The following RASA2 variants were observed in gnomAD, a reference collection of about 807,000 sequenced individuals.
RASA2 encodes the protein ras GTPase-activating protein 2.
Under a neutral mutation model 118.2 loss-of-function variants are expected in RASA2, and 155 were observed. That is an observed-to-expected ratio of 1.31 (90% CI 1.15 to 1.50). RASA2 has a LOEUF of 1.50. Ranked by LOEUF, RASA2 falls within the 40% of genes most tolerant of loss-of-function variation. The pLI, the probability that RASA2 is intolerant of heterozygous loss-of-function variation, is 0.00. For synonymous variants in RASA2, 353 were observed against 349.1 expected (o/e 1.01, Z -0.12); for missense variants, 1,016 against 1,009.6 (o/e 1.01, Z -0.09).
chr3:141,586,734 AC>A lies in RASA2; in HGVS notation c.1917del (p.Tyr640ThrfsTer15). 6.2e-7 allele frequency: 1 copy of A among 1,612,476 alleles called. No homozygotes were observed. The highest frequency in any genetic ancestry group is 8.5e-7 in the Non-Finnish European group (1 of 1,178,662). ...GTTCTGCTTAACAAGCAGAGAGCTC[AC>A]CTACCACAAACAGCCAGGTAGTTGT... ...RWFCLTSREL[T>X]YHKQPGKDAI... On this transcript the variant is annotated frameshift_variant, in exon 19 of 24. Transcript: ENST00000286364. LOFTEE classifies it high-confidence loss of function.
intron 23 of RASA2, among the ~76,000 whole-genome samples, chr3:141,610,918 C>CA (rs1278789255): frequency 2.6e-5 from 4 of 151,988 alleles, no homozygotes; most frequent in Admixed American, 1.3e-4. Flanking sequence ...AACTCACCCC[C>CA]AAAAAAATTA....
intron 15 of RASA2, 42 bp downstream of exon 15, chr3:141,577,148 ATTTT>A: frequency 7.0e-7 from 1 of 1,435,894 alleles, no homozygotes; most frequent in Non-Finnish European, 9.6e-7. Flanking sequence ...CATTTTTTTA[ATTTT>A]TATTAAAATG....
chr3:141,606,983 A>G, intron 19 of RASA2, among the ~76,000 whole-genome samples: 1 of 152,186 alleles, frequency 6.6e-6, no homozygotes, highest in East Asian at 1.9e-4. Flanking sequence ...TTCTCAGGTA[A>G]ATCGTTAAGT....
At chr3:141,498,753 C>G (rs112447796) in intron 1 of RASA2, among the ~76,000 whole-genome samples, 17 of 152,240 alleles carry the variant, frequency 1.1e-4, no homozygotes, top group African/African-American at 3.9e-4. Context: ...GTCCATGTAG[C>G]CCTGAGTTCT....
chr3:141,530,676 A>C (rs531137431), intron 4 of RASA2, among the ~76,000 whole-genome samples: 101 of 152,210 alleles, frequency 6.6e-4, no homozygotes, highest in African/African-American at 2.3e-3. Context: ...ATAATCTCTC[A>C]AGCATTCTCT....
chr3:141,611,278 TG>T (rs1453573633), intron 23 of RASA2, among the ~76,000 whole-genome samples: 1 of 152,166 alleles, frequency 6.6e-6, no homozygotes, highest in Non-Finnish European at 1.5e-5. Flanking sequence ...TGTTCCCCCA[TG>T]GTCACAGATG....
At chr3:141,590,658 T>C (rs1253882398) in intron 19 of RASA2, among the ~76,000 whole-genome samples, 1 of 152,248 alleles carries the variant, frequency 6.6e-6, no homozygotes, top group Admixed American at 6.5e-5. Context: ...AGTCTTTTGC[T>C]ACACTTACTA....
At chr3:141,586,199 C>G (rs955638600) in intron 18 of RASA2, 101 bp downstream of exon 18, 39 of 1,169,814 alleles carry the variant, frequency 3.3e-5, no homozygotes, top group Non-Finnish European at 4.5e-5. Flanking sequence ...GCTTTGTGTG[C>G]TGTGTTAGAA....
Position 141,573,125 on chromosome 3 carries a change from AAC to A in RASA2, c.1285-21_1285-20del. 1 of 1,539,548 alleles carries A rather than the reference AAC, an allele frequency of 6.5e-7. No individual in the cohort carries two copies. The highest frequency in any genetic ancestry group is 8.7e-7 in the Non-Finnish European group (1 of 1,148,696). On this transcript the variant is annotated intron_variant, in intron 12 of 23. Coordinates refer to ENST00000286364, the MANE Select transcript of RASA2 (RefSeq NM_006506.5). ...TCAGACTACTTAGAAAAAAATCATTAACTGAAAAATTTATTTTTCAGATATGT... is the reference window on the plus strand; with the variant it reads ...TCAGACTACTTAGAAAAAAATCATTATGAAAAATTTATTTTTCAGATATGT...
In RASA2 at chr3:141,521,523, A is replaced by AAAGGCCTTT. The variant is rs1256561197; in HGVS notation, c.355+5102_355+5110dup. On this transcript the variant is annotated intron_variant, in intron 3 of 23. Transcript: ENST00000286364. ...ATAATCTTAAGGTAATATTTCTTGA[A>AAAGGCCTTT]AAGGCCTTTAAGGCCTTTTAAATAG... Among the ~76,000 whole-genome samples, 21 of 152,256 alleles carry AAAGGCCTTT rather than the reference A, an allele frequency of 1.4e-4. No homozygotes were observed. The East Asian group carries it at 3.9e-3, about 28-fold the overall frequency.
intron 4 of RASA2, among the ~76,000 whole-genome samples, chr3:141,536,555 T>C (rs114625735): frequency 1.3e-3 from 196 of 152,314 alleles, no homozygotes; most frequent in Non-Finnish European, 2.1e-3. Context: ...ATGGAAGTCA[T>C]ATAGAGCAAT....
At chr3:141,607,641 A>G (rs948775227) in intron 19 of RASA2, 37 bp from the exon 20 acceptor site, 2 of 1,529,726 alleles carry the variant, frequency 1.3e-6, no homozygotes, top group South Asian at 2.6e-5. Context: ...TCTGATGGAA[A>G]TTACTTTAAT....
chr3:141,528,923 A>G (rs955035567), intron 3 of RASA2, among the ~76,000 whole-genome samples: 1 of 152,010 alleles, frequency 6.6e-6, no homozygotes, highest in Non-Finnish European at 1.5e-5. Context: ...ACTTTTGTGT[A>G]GAATCCTGGA....
At chr3:141,522,005 T>A (rs1470095055) in intron 3 of RASA2, among the ~76,000 whole-genome samples, 1 of 152,088 alleles carries the variant, frequency 6.6e-6, no homozygotes, top group African/African-American at 2.4e-5. Flanking sequence ...GGAAATGAAA[T>A]TTGAGCTAGA....
At chr3:141,551,422 C>T (rs185274016) in intron 5 of RASA2, among the ~76,000 whole-genome samples, 2 of 152,266 alleles carry the variant, frequency 1.3e-5, no homozygotes, top group East Asian at 3.9e-4. Flanking sequence ...GGTTCTTTCC[C>T]CAGCCTCAGA....
At chr3:141,558,845 T>C (rs2082687143) in intron 7 of RASA2, 41 bp from the exon 8 acceptor site, 2 of 1,444,492 alleles carry the variant, frequency 1.4e-6, no homozygotes, top group East Asian at 5.0e-5. Context: ...GAAAAATGTA[T>C]TTTTTTAAAA....
At chr3:141,487,917 C>T (rs2081598193) in intron 1 of RASA2, among the ~76,000 whole-genome samples, 1 of 152,134 alleles carries the variant, frequency 6.6e-6, no homozygotes, top group African/African-American at 2.4e-5. Context: ...GCGTGACAGG[C>T]GGGACTAAAG....
intron 1 of RASA2, among the ~76,000 whole-genome samples, chr3:141,497,803 T>C (rs958463603): frequency 6.6e-6 from 1 of 151,562 alleles, no homozygotes; most frequent in African/African-American, 2.4e-5. Context: ...GCCCAGGAGG[T>C]TGAGGCTGCG....
At chr3:141,510,532 G>A (rs2081935823) in intron 1 of RASA2, among the ~76,000 whole-genome samples, 1 of 152,200 alleles carries the variant, frequency 6.6e-6, no homozygotes, top group African/African-American at 2.4e-5. Context: ...AATTAAAAAT[G>A]AACAGAAATT....
Sources: gnomAD v4.1 joint callset for allele counts (sites outside exome capture counted in the v4.1 genomes callset) on GRCh38, gnomAD v4.1.1 for gene constraint, MANE v1.5 for transcripts, NCBI Gene and HGNC (gene_info 2026-07-23, HGNC 2026-07-21) for gene names.